The following ARSJ variants were observed in gnomAD, a reference collection of about 807,000 sequenced individuals.
ARSJ encodes the protein arylsulfatase family member J.
A neutral mutation model predicts 35.9 loss-of-function variants in ARSJ; 26 were observed. The ratio of observed to expected loss-of-function variants is 0.72; its 90% CI spans 0.53 to 1.00. The LOEUF is 1.00. Ranked by LOEUF, ARSJ falls within the 50% of genes least tolerant of loss-of-function variation. The pLI is 0.00. For missense variants in ARSJ, 667 were observed against 723.6 expected, an observed-to-expected ratio of 0.92 and a Z score of 0.90; for synonymous variants, 294 against 267.6, an observed-to-expected ratio of 1.10 and a Z score of -0.96.
intron 1 of ARSJ, among the ~76,000 whole-genome samples, chr4:113,951,921 C>T (rs949043369): frequency 1.3e-5 from 2 of 152,020 alleles, no homozygotes; most frequent in Non-Finnish European, 2.9e-5. Flanking sequence ...TTTTTAATGT[C>T]ACGTTCAACT....
At chr4:113,963,379 T>C (rs1726685018) in intron 1 of ARSJ, among the ~76,000 whole-genome samples, 1 of 151,790 alleles carries the variant, frequency 6.6e-6, no homozygotes, top group Admixed American at 6.6e-5. Context: ...CTTACAATCA[T>C]GGGGGAAAGG....
intron 1 of ARSJ, among the ~76,000 whole-genome samples, chr4:113,959,870 T>G (rs1726432369): frequency 6.6e-6 from 1 of 152,068 alleles, no homozygotes; most frequent in African/African-American, 2.4e-5. Context: ...TGTATTTTAG[T>G]TAATTTTACT....
At chr4:113,952,556 G>C (rs947182890) in intron 1 of ARSJ, among the ~76,000 whole-genome samples, 5 of 152,080 alleles carry the variant, frequency 3.3e-5, no homozygotes, top group Non-Finnish European at 7.4e-5. Context: ...TGTTCCTACA[G>C]TCTGTTAACC....
intron 1 of ARSJ, among the ~76,000 whole-genome samples, chr4:113,929,930 C>T (rs1724323405): frequency 1.3e-5 from 2 of 152,072 alleles, no homozygotes; most frequent in Admixed American, 1.3e-4. Context: ...ATCAGGGTGT[C>T]AAATGCATTT....
chr4:113,910,727 GA>G (rs2099670179), intron 1 of ARSJ, among the ~76,000 whole-genome samples: 1 of 152,080 alleles, frequency 6.6e-6, no homozygotes, highest in Non-Finnish European at 1.5e-5. Flanking sequence ...TTAATCTCAT[GA>G]ATAAGTGAAT....
At chr4:113,961,599 T>C (rs1222323892) in intron 1 of ARSJ, among the ~76,000 whole-genome samples, 2 of 152,106 alleles carry the variant, frequency 1.3e-5, no homozygotes, top group African/African-American at 2.4e-5. Flanking sequence ...GTTTAGTGAG[T>C]ACTTTGCTTT....
intron 1 of ARSJ, among the ~76,000 whole-genome samples, chr4:113,917,209 T>C (rs11098209): frequency 0.71 from 107,618 of 151,950 alleles, 38,899 homozygotes; most frequent in East Asian, 0.81. Context: ...ACAGTGTTGC[T>C]TCTCTTAGTG....
At chr4:113,944,572 C>T (rs573277614) in intron 1 of ARSJ, among the ~76,000 whole-genome samples, 1 of 152,152 alleles carries the variant, frequency 6.6e-6, no homozygotes, top group Admixed American at 6.6e-5. Context: ...AAAGAGATAA[C>T]TGGGTTTCCT....
At chr4:113,942,107 T>G (rs1195786403) in intron 1 of ARSJ, among the ~76,000 whole-genome samples, 1 of 151,838 alleles carries the variant, frequency 6.6e-6, no homozygotes, top group Non-Finnish European at 1.5e-5. Flanking sequence ...AGCCCAAGAG[T>G]GTAAGAACGG....
At chr4:113,958,304 A>G (rs551456156) in intron 1 of ARSJ, among the ~76,000 whole-genome samples, 1 of 152,252 alleles carries the variant, frequency 6.6e-6, no homozygotes, top group South Asian at 2.1e-4. Flanking sequence ...CATAAAATGT[A>G]CAATGAAAAT....
chr4:113,944,576 G>A (rs968969126), intron 1 of ARSJ, among the ~76,000 whole-genome samples: 32 of 152,166 alleles, frequency 2.1e-4, no homozygotes, highest in Non-Finnish European at 4.6e-4. Flanking sequence ...AGATAACTGG[G>A]TTTCCTTTCA....
At chr4:113,921,215 C>G (rs1176848901) in intron 1 of ARSJ, among the ~76,000 whole-genome samples, 2 of 151,662 alleles carry the variant, frequency 1.3e-5, no homozygotes, top group Non-Finnish European at 2.9e-5. Flanking sequence ...TGATTACAAG[C>G]CTTGAGAGAA....
chr4:113,969,369 T>C (rs966875606), intron 1 of ARSJ, among the ~76,000 whole-genome samples: 7 of 152,174 alleles, frequency 4.6e-5, no homozygotes, highest in Non-Finnish European at 7.3e-5. Context: ...TTTAACCCTT[T>C]TTTTAATCAA....
intron 1 of ARSJ, among the ~76,000 whole-genome samples, chr4:113,918,714 G>A (rs1723474082): frequency 6.6e-6 from 1 of 152,078 alleles, no homozygotes; most frequent in African/African-American, 2.4e-5. Context: ...ACAGTGTTTT[G>A]TAGTAAAAAG....
intron 1 of ARSJ, among the ~76,000 whole-genome samples, chr4:113,938,590 C>T (rs1468611895): frequency 6.6e-6 from 1 of 151,860 alleles, no homozygotes; most frequent in South Asian, 2.1e-4. Context: ...ACTATCATCA[C>T]AGTGTACAGG....
intron 1 of ARSJ, among the ~76,000 whole-genome samples, chr4:113,967,576 G>T (rs566589764): frequency 1.3e-5 from 2 of 152,180 alleles, no homozygotes; most frequent in South Asian, 4.2e-4. Context: ...GTGGAGCTGG[G>T]GTTAGACATA....
chr4:113,924,181 C>T (rs1054736128), intron 1 of ARSJ, among the ~76,000 whole-genome samples: 23 of 149,066 alleles, frequency 1.5e-4, no homozygotes, highest in Admixed American at 6.7e-4. Context: ...AGGCTGTCTG[C>T]GAGCTGAAGA....
chr4:113,935,617 C>T (rs545534829), intron 1 of ARSJ, among the ~76,000 whole-genome samples: 3 of 151,910 alleles, frequency 2.0e-5, no homozygotes, highest in African/African-American at 7.2e-5. Flanking sequence ...TACATGCATT[C>T]TGAAATAAAG....
chr4:113,954,141 G>A (rs962554885), intron 1 of ARSJ, among the ~76,000 whole-genome samples: 2 of 151,862 alleles, frequency 1.3e-5, no homozygotes, highest in Non-Finnish European at 2.9e-5. Context: ...TCAAGTCACC[G>A]ACATCTCAGT....
Sources: allele counts gnomAD v4.1 joint callset (sites outside exome capture counted in the v4.1 genomes callset), GRCh38; gene constraint gnomAD v4.1.1; transcripts MANE v1.5; gene names NCBI Gene and HGNC (gene_info 2026-07-23, HGNC 2026-07-21).